Variants in PTPRZ1 observed in about 807,000 individuals in gnomAD.
The protein encoded by PTPRZ1 is protein tyrosine phosphatase receptor type Z1, also known as receptor-type tyrosine-protein phosphatase zeta.
Under a neutral mutation model 214.1 loss-of-function variants are expected in PTPRZ1, and 82 were observed. The observed-to-expected ratio is 0.38, with a 90% CI of 0.32 to 0.46. PTPRZ1 has a LOEUF of 0.46. Ranked by LOEUF, PTPRZ1 falls within the 20% of genes least tolerant of loss-of-function variation. The pLI is 1.00. For missense variants in PTPRZ1, 2,603 were observed against 2,748.7 expected (o/e 0.95, Z 1.19); for synonymous variants, 945 against 987.9 (o/e 0.96, Z 0.81).
intron 13 of PTPRZ1, among the ~76,000 whole-genome samples, chr7:122,022,836 A>G: frequency 6.6e-6 from 1 of 152,198 alleles, no homozygotes; most frequent in East Asian, 1.9e-4. Flanking sequence ...ATTGAAAGCT[A>G]CAGGAATCAA....
intron 11 of PTPRZ1, among the ~76,000 whole-genome samples, chr7:122,005,134 G>A (rs1252880879): frequency 6.6e-6 from 1 of 151,842 alleles, no homozygotes; most frequent in Non-Finnish European, 1.5e-5. Flanking sequence ...TATTATTTAA[G>A]TTGATAAATA....
intron 1 of PTPRZ1, among the ~76,000 whole-genome samples, chr7:121,916,272 CAAAA>C (rs59701928): frequency 1.8e-5 from 2 of 109,744 alleles, no homozygotes; most frequent in Non-Finnish European, 3.9e-5. Context: ...GACTCCATCT[CAAAA>C]AAAAAAAAAA....
chr7:122,010,939 C>T lies in PTPRZ1; in HGVS notation c.1893C>T (p.Ser631=), dbSNP rs764370335. ...TACCAGAATCTGCTAGAAATGCTTC[C>T]GAAGATTCAACTTCATCAGGTTCAG... ...VLIPESARNA[S]EDSTSSGSEE... Residue 631 remains serine (S), a synonymous_variant, in exon 12 of 30, where the codon TCC becomes TCT. Transcript: ENST00000393386. The T allele has an allele frequency of 7.4e-6, 12 of 1,613,952 alleles. No individual in the cohort carries two copies. Among genetic ancestry groups the T allele is most frequent in the African/African-American group, 4.0e-5 (3 of 74,886 alleles).
At position 122,036,820 on chromosome 7, in the gene PTPRZ1, A is replaced by T. The variant is rs1799558018; in HGVS notation, c.5367+138A>T. 4.8e-6 allele frequency: 3 copies of T among 631,320 alleles called. No individual in the cohort carries two copies. In the South Asian group the frequency reaches 7.3e-5, roughly 15 times the overall value. 39.1% of individuals were successfully genotyped at this position (631,320 alleles called of 1,614,324 possible). On this transcript the variant is annotated intron_variant, in intron 18 of 29. Coordinates refer to ENST00000393386, the MANE Select transcript of PTPRZ1 (RefSeq NM_002851.3). ...AGAATAAAAATGGTAAAGTAACAGT[A>T]AATAATTTTTAAGAGAGCCTATGAC... is the stretch of plus-strand genomic sequence containing the variant.
chr7:121,948,139 T>C (rs899507157), intron 2 of PTPRZ1, among the ~76,000 whole-genome samples: 3 of 152,338 alleles, frequency 2.0e-5, no homozygotes, highest in Middle Eastern at 6.8e-3. Flanking sequence ...TATTCACTAA[T>C]TTATTCATTC....
At chr7:122,036,036 G>A (rs1465917998) in intron 17 of PTPRZ1, among the ~76,000 whole-genome samples, 1 of 152,114 alleles carries the variant, frequency 6.6e-6, no homozygotes, top group Non-Finnish European at 1.5e-5. Flanking sequence ...GCCTCCTTTT[G>A]AAGCAGTTTC....
chr7:121,896,715 A>G (rs111783951), intron 1 of PTPRZ1, among the ~76,000 whole-genome samples: 76 of 151,932 alleles, frequency 5.0e-4, no homozygotes, highest in African/African-American at 1.7e-3. Flanking sequence ...GGAGCTTGCA[A>G]TGAGCCAAGA....
At position 122,010,390 on chromosome 7, in the gene PTPRZ1, C is replaced by G; in HGVS notation, c.1344C>G (p.Asp448Glu). 6.2e-7 allele frequency: 1 copy of G among 1,613,958 alleles called. No individual in the cohort carries two copies. Among genetic ancestry groups the G allele is most frequent in the Non-Finnish European group, 8.5e-7 (1 of 1,179,928 alleles). ...GCGCTATTGTGAATCCTGGTAGAGACAGTGCTACAAACCAAATCAGGAAAA... is the reference window on the plus strand; with the variant it reads ...GCGCTATTGTGAATCCTGGTAGAGAGAGTGCTACAAACCAAATCAGGAAAA... ...EEGAIVNPGRDSATNQIRKKE... is the reference protein window; with the variant it reads ...EEGAIVNPGRESATNQIRKKE... Residue 448 changes from aspartate (D) to glutamate (E), a missense_variant, in exon 12 of 30, where the codon GAC becomes GAG. Asp to Glu is a conservative substitution (Grantham distance 45). Transcript: ENST00000393386.
chr7:122,031,789 A>T (rs1224544297), intron 15 of PTPRZ1: 61 of 265,936 alleles, frequency 2.3e-4, no homozygotes, highest in Non-Finnish European at 7.0e-6. Flanking sequence ...AACATAAAAA[A>T]CATTGTTCAT....
At chr7:121,982,795 A>G (rs1193901459) in intron 6 of PTPRZ1, among the ~76,000 whole-genome samples, 3 of 150,522 alleles carry the variant, frequency 2.0e-5, no homozygotes, top group Non-Finnish European at 4.4e-5. Flanking sequence ...TTTTTTTGAG[A>G]TGCAGTCTCG....
chr7:122,059,829 G>A lies in PTPRZ1; in HGVS notation c.6748G>A (p.Asp2250Asn), dbSNP rs1207922704. ...MHQLEKENSVDVYQVAKMINL... is the reference protein window; with the variant it reads ...MHQLEKENSVNVYQVAKMINL... ...CCAACTAGAAAAAGAAAATTCCGTG[G>A]ATGTTTACCAGGTAGCCAAGATGAT... Residue 2250 changes from aspartate to asparagine, a missense_variant, in exon 29 of 30, where the codon GAT (aspartate) becomes AAT (asparagine). Around this residue, in one of 6 missense-constraint regions of PTPRZ1, gnomAD observed 165 missense variants for 151.4 expected, o/e 1.09. Coordinates refer to ENST00000393386, the MANE Select transcript of PTPRZ1 (RefSeq NM_002851.3). 4 of 1,613,512 alleles carry A rather than the reference G, an allele frequency of 2.5e-6. No homozygotes were observed. The highest frequency in any genetic ancestry group is 3.4e-6 in the Non-Finnish European group (4 of 1,179,810).
At chr7:121,878,255 AC>A (rs1794121619) in intron 1 of PTPRZ1, among the ~76,000 whole-genome samples, 1 of 152,190 alleles carries the variant, frequency 6.6e-6, no homozygotes, top group Non-Finnish European at 1.5e-5. Context: ...CACACCATCC[AC>A]ATTTCAAGTG....
intron 13 of PTPRZ1, among the ~76,000 whole-genome samples, chr7:122,026,559 C>G (rs530906187): frequency 2.0e-5 from 3 of 152,172 alleles, no homozygotes; most frequent in East Asian, 3.9e-4. Context: ...GTTTCTGTGG[C>G]CCTCATGTCT....
chr7:122,008,663 G>C lies in PTPRZ1; in HGVS notation c.1288-1671G>C, dbSNP rs1240390015. On this transcript the variant is annotated intron_variant, in intron 11 of 29. Transcript: ENST00000393386. The stretch of plus-strand genomic sequence containing the variant: ...TGCTGAGAATGGGAGGAAAGGATAG[G>C]AAAATGAAGGTTTGACAGAGTTTTG... Among the ~76,000 whole-genome samples the C allele has an allele frequency of 2.0e-5, 3 of 152,188 alleles. No individual in the cohort carries two copies. The East Asian group carries it at 5.8e-4, about 29-fold the overall frequency.
At chr7:121,921,327 G>T (rs1795591755) in intron 1 of PTPRZ1, among the ~76,000 whole-genome samples, 1 of 152,116 alleles carries the variant, frequency 6.6e-6, no homozygotes, top group Non-Finnish European at 1.5e-5. Flanking sequence ...AGCATGTCCA[G>T]TGTCTAAGAA....
chr7:121,976,586 A>G (rs1481785726), intron 5 of PTPRZ1, among the ~76,000 whole-genome samples, 199 bp from the exon 6 acceptor site: 1 of 152,152 alleles, frequency 6.6e-6, no homozygotes, highest in African/African-American at 2.4e-5. Flanking sequence ...TTTAAAATTT[A>G]CTTTTCTTAG....
chr7:121,935,555 TG>T (rs1796061028), intron 2 of PTPRZ1, among the ~76,000 whole-genome samples: 1 of 149,874 alleles, frequency 6.7e-6, no homozygotes, highest in African/African-American at 2.5e-5. Context: ...TTTGTTTGTT[TG>T]TTTGTTTGTT....
At chr7:121,895,447 C>T (rs1794758339) in intron 1 of PTPRZ1, among the ~76,000 whole-genome samples, 1 of 152,016 alleles carries the variant, frequency 6.6e-6, no homozygotes, top group Admixed American at 6.5e-5. Flanking sequence ...AGCCCATTTG[C>T]AACAAAAATA....
At chr7:121,899,580 C>G (rs1214606686) in intron 1 of PTPRZ1, among the ~76,000 whole-genome samples, 1 of 152,130 alleles carries the variant, frequency 6.6e-6, no homozygotes, top group Non-Finnish European at 1.5e-5. Flanking sequence ...CCTGAGAAAG[C>G]TTGAGTCCTG....
Sources: gnomAD v4.1 joint callset for allele counts (sites outside exome capture counted in the v4.1 genomes callset) on GRCh38, gnomAD v4.1.1 for gene constraint, gnomAD v4.1.1 regional missense constraint, MANE v1.5 for transcripts, NCBI Gene and HGNC (gene_info 2026-07-23, HGNC 2026-07-21) for gene names.